Variants in STKLD1 observed in about 807,000 individuals in gnomAD.
STKLD1 encodes the protein serine/threonine kinase-like domain-containing protein STKLD1.
Under a neutral mutation model 80.4 loss-of-function variants are expected in STKLD1, and 79 were observed. That is an observed-to-expected ratio of 0.98 (90% CI 0.82 to 1.19). The LOEUF is 1.19. Ranked by LOEUF, STKLD1 falls within the 50% of genes most tolerant of loss-of-function variation. The probability of loss-of-function intolerance (pLI) is 0.00; values close to 1 mark genes in which losing one functional copy is unlikely to be tolerated. For missense variants in STKLD1, 841 were observed against 856.0 expected (o/e 0.98, Z 0.22); for synonymous variants, 393 against 357.6 (o/e 1.10, Z -1.12).
chr9:133,383,736 TGTG>T, intron 2 of STKLD1, 117 bp from the exon 3 acceptor site: 7 of 863,984 alleles, frequency 8.1e-6, no homozygotes, highest in Non-Finnish European at 1.4e-5. Context: ...TGGTGATGGT[TGTG>T]GTGGAGGTGG....
At chr9:133,397,138 C>A (rs1554776823) in intron 9 of STKLD1, 26 bp from the exon 10 acceptor site, 2 of 1,613,414 alleles carry the variant, frequency 1.2e-6, no homozygotes, top group South Asian at 2.2e-5. Flanking sequence ...TGCTGGGTTA[C>A]TCAGCCCTCT....
At chr9:133,391,040 G>A (rs2130287976) in intron 7 of STKLD1, among the ~76,000 whole-genome samples, 13 of 152,366 alleles carry the variant, frequency 8.5e-5, no homozygotes, top group South Asian at 8.3e-4. Context: ...AAACAAAGTC[G>A]TGGTTGTTTG....
At chr9:133,381,313 A>G (rs1447584719) in intron 2 of STKLD1, among the ~76,000 whole-genome samples, 2 of 150,712 alleles carry the variant, frequency 1.3e-5, no homozygotes, top group African/African-American at 2.4e-5. Context: ...CTAATTTTGT[A>G]TTTTTAGTAG....
intron 7 of STKLD1, among the ~76,000 whole-genome samples, chr9:133,393,205 T>TGGATGGATGGAC: frequency 8.2e-6 from 1 of 122,316 alleles, no homozygotes; most frequent in Non-Finnish European, 1.7e-5. Context: ...GATGGATGGA[T>TGGATGGATGGAC]GGATGGATGG....
At chr9:133,401,603 G>A in intron 12 of STKLD1, 135 bp from the exon 13 acceptor site, 1 of 1,133,958 alleles carries the variant, frequency 8.8e-7, no homozygotes, top group Non-Finnish European at 1.2e-6. Flanking sequence ...GGCCTGCTCT[G>A]GGTCAGAACA....
intron 14 of STKLD1, 55 bp downstream of exon 14, chr9:133,403,067 C>G (rs1415668986): frequency 1.3e-6 from 2 of 1,514,140 alleles, no homozygotes; most frequent in African/African-American, 1.4e-5. Context: ...CCCCCAGCCC[C>G]TCCCTAACTG....
At position 133,384,223 on chromosome 9, in the gene STKLD1, G is replaced by A; in HGVS notation, c.219+323G>A. 3.6e-6 allele frequency: 1 copy of A among 277,728 alleles called. No homozygotes were observed. The highest frequency in any genetic ancestry group is 1.2e-3 in the Middle Eastern group (1 of 828). 17.2% of individuals were successfully genotyped at this position (277,728 alleles called of 1,614,324 possible). A position where few individuals can be genotyped will look rare whatever the true frequency, so the allele number is the denominator to read the frequency against. ...GGAGGCCGAGGCGGGTGGATCACTT[G>A]AGGTCAGGAGTTCAAGACCAGCCTA... On this transcript the variant is annotated intron_variant, in intron 3 of 17. Transcript: ENST00000371957. The surrounding 1 kb of genome is among the most constrained non-coding windows in gnomAD (Gnocchi z 4.3).
rs967285588 is a variant in STKLD1 at position 133,397,147 on chromosome 9, C to T, written c.867-17C>T. The T allele has an allele frequency of 6.2e-7, 1 of 1,613,714 alleles. No individual in the cohort carries two copies. The highest frequency in any genetic ancestry group is 8.5e-7 in the Non-Finnish European group (1 of 1,179,974). On this transcript the variant is annotated splice_polypyrimidine_tract_variant and intron_variant, in intron 9 of 17. Transcript: ENST00000371957. ...GGGCGCTGCTGGGTTACTCAGCCCT[C>T]TCTGCTCCTCTGCTAGGGACGTGGT... is the stretch of plus-strand genomic sequence containing the variant.
chr9:133,383,864 C>G lies in STKLD1; in HGVS notation c.183C>G (p.Cys61Trp), dbSNP rs2130271213. The change falls in exon 3 of 18, where the codon TGC becomes TGG. Residue 61 changes from cysteine to tryptophan, a missense_variant. Transcript: ENST00000371957. ...KVKHVIKQVE[C>W]MDDHYASQAL... The stretch of plus-strand genomic sequence containing the variant: ...CTCTTGTGCCCTTGCAGGTGGAATG[C>G]ATGGATGACCATTACGCCAGTCAGG... The G allele has an allele frequency of 6.2e-7, 1 of 1,613,966 alleles. No homozygotes were observed. Among genetic ancestry groups the G allele is most frequent in the South Asian group, 1.1e-5 (1 of 91,090 alleles).
intron 2 of STKLD1, among the ~76,000 whole-genome samples, chr9:133,383,285 T>TAATGATG (rs1838185941): frequency 1.1e-3 from 1 of 872 alleles, no homozygotes; most frequent in Non-Finnish European, 2.4e-3. Context: ...ATGGTGGTGG[T>TAATGATG]GTGATGATGT....
chr9:133,404,550 TC>T (rs1838794284), intron 16 of STKLD1, among the ~76,000 whole-genome samples: 1 of 152,034 alleles, frequency 6.6e-6, no homozygotes, highest in Admixed American at 6.5e-5. Flanking sequence ...TACCTAATCT[TC>T]CCCAGAGTGA....
chr9:133,378,358 G>C (rs140242081), intron 1 of STKLD1, among the ~76,000 whole-genome samples: 1 of 151,786 alleles, frequency 6.6e-6, no homozygotes, highest in Non-Finnish European at 1.5e-5. Context: ...AGCAATCCCC[G>C]GCCCAGCCCC....
In STKLD1 at chr9:133,389,882, A is replaced by T. The variant is rs1226081110; in HGVS notation, c.467+286A>T. Among the ~76,000 whole-genome samples, 3 of 152,190 alleles carry T rather than the reference A, an allele frequency of 2.0e-5. No homozygotes were observed. The highest frequency in any genetic ancestry group is 2.9e-5 in the Non-Finnish European group (2 of 68,034). On this transcript the variant is annotated intron_variant, in intron 6 of 17. Transcript: ENST00000371957. This position sits in a 1 kb window ranked among gnomAD's most constrained non-coding sequence, Gnocchi z 6.4. ...GAAGGAGGCAAAAGCCCTGCCAAGAAGAGAGACCGGGTTGCCTGCCGTGGG... is the reference window on the plus strand; with the variant it reads ...GAAGGAGGCAAAAGCCCTGCCAAGATGAGAGACCGGGTTGCCTGCCGTGGG...
rs2130272987 is a variant in STKLD1, at chr9:133,384,660, C to T, written c.219+760C>T. On this transcript the variant is annotated intron_variant, in intron 3 of 17. Transcript: ENST00000371957. The surrounding 1 kb of genome is among the most constrained non-coding windows in gnomAD (Gnocchi z 4.3). ...GAATTTCTGGGCTCAAGCAATCGTC[C>T]CACCTCGGCCTCCAAAGTGCTGGGG... 3 of 151,840 alleles carry T rather than the reference C, an allele frequency of 2.0e-5. No homozygotes were observed. The highest frequency in any genetic ancestry group is 4.8e-5 in the African/African-American group (2 of 41,382). The allele number at this position is 151,840 out of a possible 1,614,324, so 9.4% of individuals were successfully genotyped here. A position where few individuals can be genotyped will look rare whatever the true frequency, so the allele number is the denominator to read the frequency against.
Position 133,389,250 on chromosome 9 carries a change from AG to A in STKLD1, c.397-273del, listed in dbSNP as rs1416740791. On this transcript the variant is annotated intron_variant, in intron 5 of 17. Coordinates refer to ENST00000371957, the MANE Select transcript of STKLD1 (RefSeq NM_153710.5). This position sits in a 1 kb window ranked among gnomAD's most constrained non-coding sequence, Gnocchi z 6.4. The stretch of plus-strand genomic sequence containing the variant: ...CAGCGCGGGCCACAGAGTAGGGTGC[AG>A]GGATGGGGCCCCTGCAGCACCCAGG... The A allele has an allele frequency of 2.0e-6, 2 of 985,290 alleles. No individual in the cohort carries two copies. Among genetic ancestry groups the A allele is most frequent in the African/African-American group, 3.5e-5 (2 of 57,224 alleles). 61.0% of individuals were successfully genotyped at this position (985,290 alleles called of 1,614,324 possible). A position where few individuals can be genotyped will look rare whatever the true frequency, so the allele number is the denominator to read the frequency against.
chr9:133,398,816 G>A (rs587604272), intron 11 of STKLD1, among the ~76,000 whole-genome samples: 3 of 149,908 alleles, frequency 2.0e-5, no homozygotes, highest in African/African-American at 7.3e-5. Context: ...CATTCATGGA[G>A]AGTGTTGGGA....
chr9:133,397,059 G>A, intron 9 of STKLD1, 105 bp from the exon 10 acceptor site: 2 of 1,518,244 alleles, frequency 1.3e-6, no homozygotes. Context: ...AGTGTCCAGT[G>A]TCCGCACCAA....
intron 5 of STKLD1, 56 bp downstream of exon 5, chr9:133,387,604 C>T: frequency 1.4e-6 from 2 of 1,414,254 alleles, no homozygotes; most frequent in Non-Finnish European, 2.0e-6. Context: ...GACACAGGCC[C>T]TGCGGTGCAG....
chr9:133,388,601 G>A lies in STKLD1; in HGVS notation c.397-925G>A, dbSNP rs184359433. On this transcript the variant is annotated intron_variant, in intron 5 of 17. Transcript: ENST00000371957. ...GATGGAAAGTCCTAACTGTAATGGA[G>A]TTCGCTTTCCCAATGCTGACTCTTA... 1,324 of 299,382 alleles carry A rather than the reference G, an allele frequency of 4.4e-3. 4 individuals are homozygous for A. Among genetic ancestry groups the A allele is most frequent in the Admixed American group, 0.015 (230 of 15,460 alleles). 18.5% of individuals were successfully genotyped at this position (299,382 alleles called of 1,614,324 possible).
Sources: gnomAD v4.1 joint callset for allele counts (sites outside exome capture counted in the v4.1 genomes callset) on GRCh38, gnomAD v4.1.1 for gene constraint, Gnocchi (gnomAD v3.1) non-coding constraint, MANE v1.5 for transcripts, NCBI Gene and HGNC (gene_info 2026-07-23, HGNC 2026-07-21) for gene names.